Variants in C6orf62 observed in about 807,000 individuals in gnomAD.
C6orf62 encodes uncharacterized protein C6orf62.
Under a neutral mutation model 26.8 loss-of-function variants are expected in C6orf62, and 16 were observed. That is an observed-to-expected ratio of 0.60 (90% CI 0.40 to 0.91). C6orf62 has a LOEUF of 0.91. Ranked by LOEUF, C6orf62 falls within the 40% of genes least tolerant of loss-of-function variation. The probability of loss-of-function intolerance (pLI) is 0.00; values close to 1 mark genes in which losing one functional copy is unlikely to be tolerated. For synonymous variants in C6orf62, 112 were observed against 91.5 expected, an observed-to-expected ratio of 1.22 and a Z score of -1.28; for missense variants, 192 against 271.4, an observed-to-expected ratio of 0.71 and a Z score of 2.06.
chr6:24,711,263 C>A (rs1336047988), intron 3 of C6orf62, among the ~76,000 whole-genome samples: 1 of 152,100 alleles, frequency 6.6e-6, no homozygotes, highest in East Asian at 1.9e-4. Flanking sequence ...CACAAACACA[C>A]ACACACAACT....
chr6:24,718,675 A>G lies in C6orf62; in HGVS notation c.-7T>C, dbSNP rs376001100. Reference sequence around the variant, plus strand: ...GGGAGTTTGGGTCCCCCATTTTGAAATACAGGTGGTACTAAAGCCTTTGGA... The same window carrying G: ...GGGAGTTTGGGTCCCCCATTTTGAAGTACAGGTGGTACTAAAGCCTTTGGA... On this transcript the variant is annotated 5_prime_UTR_variant, in exon 1 of 5. Coordinates refer to ENST00000378119, the MANE Select transcript of C6orf62 (RefSeq NM_030939.5). 1.2e-6 allele frequency: 2 copies of G among 1,613,822 alleles called. No homozygotes were observed. The highest frequency in any genetic ancestry group is 1.1e-5 in the South Asian group (1 of 91,032).
At chr6:24,707,508 C>G (rs56303597) in intron 4 of C6orf62, among the ~76,000 whole-genome samples, 227 of 152,102 alleles carry the variant, frequency 1.5e-3, no homozygotes, top group Admixed American at 3.9e-3. Context: ...CAGGAACACG[C>G]CACAATGTCC....
upstream of C6orf62, chr6:24,720,013 G>GGGGT: frequency 6.8e-7 from 1 of 1,479,416 alleles, no homozygotes; most frequent in Non-Finnish European, 9.0e-7. Context: ...TCTAAAGTAA[G>GGGGT]CCCACCCACC....
upstream of C6orf62, chr6:24,719,798 C>T (rs1052177732): frequency 6.5e-7 from 1 of 1,547,876 alleles, no homozygotes; most frequent in Non-Finnish European, 8.7e-7. Context: ...GCCCGGAGAC[C>T]ACCTGCCTTC....
rs1779000594 is a variant in C6orf62, at chr6:24,706,060, A to G, written c.*77T>C. 6.4e-7 allele frequency: 1 copy of G among 1,562,254 alleles called. No individual in the cohort carries two copies. Among genetic ancestry groups the G allele is most frequent in the Non-Finnish European group, 8.7e-7 (1 of 1,151,846 alleles). On this transcript the variant is annotated 3_prime_UTR_variant, in exon 5 of 5. Coordinates refer to ENST00000378119, the MANE Select transcript of C6orf62 (RefSeq NM_030939.5). The stretch of plus-strand genomic sequence containing the variant: ...GAGTCCATTTTCTTTAAACTCTGAA[A>G]GAATAAAGTGGTAAGAAAACAAGAA...
At chr6:24,719,559 G>A, upstream of C6orf62, 1 of 1,219,588 alleles carries the variant, frequency 8.2e-7, no homozygotes, top group Non-Finnish European at 1.0e-6. Context: ...AATCATGACG[G>A]CAGAAGGAAA....
In C6orf62 at chr6:24,719,060, G is replaced by A. The variant is rs1179732457; in HGVS notation, c.-392C>T. On this transcript the variant is annotated 5_prime_UTR_variant, in exon 1 of 5. Transcript: ENST00000378119. ...TTTAGGTGTGCAATAAAACACAGCT[G>A]ACACCAGACCAATCCCTAAAATCCA... 9.7e-7 allele frequency: 1 copy of A among 1,031,048 alleles called. No homozygotes were observed. The highest frequency in any genetic ancestry group is 1.8e-5 in the African/African-American group (1 of 56,606). 63.9% of individuals were successfully genotyped at this position (1,031,048 alleles called of 1,614,324 possible).
At chr6:24,719,785 G>A (rs1779316840), upstream of C6orf62, 2 of 1,546,500 alleles carry the variant, frequency 1.3e-6, no homozygotes, top group Non-Finnish European at 1.7e-6. Context: ...AATCCCAGGC[G>A]GTGCCCGGAG....
chr6:24,712,961 A>T (rs1779151725), intron 3 of C6orf62, among the ~76,000 whole-genome samples: 1 of 152,232 alleles, frequency 6.6e-6, no homozygotes, highest in Non-Finnish European at 1.5e-5. Context: ...CTGCGCTGAG[A>T]ACTTTAAACA....
chr6:24,720,266 G>A, upstream of C6orf62: 13 of 1,297,040 alleles, frequency 1.0e-5, no homozygotes, highest in African/African-American at 4.6e-5. Flanking sequence ...TGCGGGCGGA[G>A]CGGTGGCGGC....
At position 24,719,117 on chromosome 6, in the gene C6orf62, T is replaced by C. The variant is rs1196850933; in HGVS notation, c.-449A>G. 1 of 980,706 alleles carries C rather than the reference T, an allele frequency of 1.0e-6. No individual in the cohort carries two copies. The highest frequency in any genetic ancestry group is 6.6e-5 in the Admixed American group (1 of 15,118). 60.8% of individuals were successfully genotyped at this position (980,706 alleles called of 1,614,324 possible). ...TTTTCCCCCCTTTTTAGAAAAGGGA[T>C]TAAGGAACAGGGAGGGGGAAGTGTG... On this transcript the variant is annotated 5_prime_UTR_variant, in exon 1 of 5. Coordinates refer to ENST00000378119, the MANE Select transcript of C6orf62 (RefSeq NM_030939.5).
chr6:24,713,194 G>T (rs374500480), intron 3 of C6orf62, among the ~76,000 whole-genome samples: 1 of 152,102 alleles, frequency 6.6e-6, no homozygotes, highest in East Asian at 1.9e-4. Flanking sequence ...ATCATAAATC[G>T]AGGAGCACAA....
At chr6:24,712,326 G>T (rs1237691753) in intron 3 of C6orf62, among the ~76,000 whole-genome samples, 1 of 151,970 alleles carries the variant, frequency 6.6e-6, no homozygotes, top group Non-Finnish European at 1.5e-5. Context: ...AGGTTGCAGT[G>T]AGCCAAGATC....
chr6:24,719,238 C>G, upstream of C6orf62: 1 of 987,142 alleles, frequency 1.0e-6, no homozygotes, highest in African/African-American at 1.7e-5. Context: ...ACTGAAATAT[C>G]CAATTAGATT....
At chr6:24,709,296 G>A (rs1159024851) in intron 3 of C6orf62, 21 of 985,008 alleles carry the variant, frequency 2.1e-5, no homozygotes, top group African/African-American at 8.8e-5. Flanking sequence ...AGTACTCCAC[G>A]ATCATAAAAT....
At chr6:24,707,362 GTTT>G (rs559217569) in intron 4 of C6orf62, among the ~76,000 whole-genome samples, 1 of 141,354 alleles carries the variant, frequency 7.1e-6, no homozygotes. Context: ...TGTTGGCGGT[GTTT>G]TTTTTTTTTT....
chr6:24,707,360 GTGT>G (rs1302574542), intron 4 of C6orf62, among the ~76,000 whole-genome samples: 1 of 150,972 alleles, frequency 6.6e-6, no homozygotes, highest in Non-Finnish European at 1.5e-5. Context: ...GTTGTTGGCG[GTGT>G]TTTTTTTTTT....
intron 1 of C6orf62, among the ~76,000 whole-genome samples, chr6:24,716,744 A>C (rs1779241016): frequency 6.7e-6 from 1 of 149,516 alleles, no homozygotes; most frequent in Admixed American, 6.7e-5. Context: ...TTTTTTTGAG[A>C]TGGAGTCTCA....
intron 3 of C6orf62, among the ~76,000 whole-genome samples, chr6:24,713,904 T>G (rs1301309412): frequency 1.3e-5 from 2 of 152,206 alleles, no homozygotes; most frequent in East Asian, 3.8e-4. Context: ...TTCTATAATT[T>G]TATATACAGA....
Sources: allele counts gnomAD v4.1 joint callset (sites outside exome capture counted in the v4.1 genomes callset), GRCh38; gene constraint gnomAD v4.1.1; transcripts MANE v1.5; gene names NCBI Gene and HGNC (gene_info 2026-07-23, HGNC 2026-07-21).